VXN: variants seen among roughly 807,000 people sequenced by gnomAD.
VXN encodes uncharacterized protein C8orf46.
VXN carries 7 observed loss-of-function variants against 23.1 expected under a neutral mutation model. The observed-to-expected ratio is 0.30, with a 90% CI of 0.17 to 0.57. The LOEUF (loss-of-function observed/expected upper bound fraction) is 0.57. Ranked by LOEUF, VXN falls within the 20% of genes least tolerant of loss-of-function variation. The pLI, the probability that VXN is intolerant of heterozygous loss-of-function variation, is 0.91. For missense variants in VXN, 238 were observed against 272.6 expected (o/e 0.87, Z 0.89); for synonymous variants, 120 against 105.8 (o/e 1.13, Z -0.83).
intron 4 of VXN, among the ~76,000 whole-genome samples, chr8:66,511,858 G>C: frequency 6.6e-6 from 1 of 152,154 alleles, no homozygotes. Flanking sequence ...CTGAGGCCAA[G>C]AGTTTGAGAC....
Position 66,507,322 on chromosome 8 carries a change from A to G in VXN, c.280+1794A>G, listed in dbSNP as rs895070232. On this transcript the variant is annotated intron_variant, in intron 3 of 5. Transcript: ENST00000305454. Reference sequence around the variant, plus strand: ...AACAACCCTCTCCCCACCATCCCTCACTGCCTCCGCCCCACGTGATTCTAA... The same window carrying G: ...AACAACCCTCTCCCCACCATCCCTCGCTGCCTCCGCCCCACGTGATTCTAA... Among the ~76,000 whole-genome samples, 8 of 152,246 alleles carry G rather than the reference A, an allele frequency of 5.3e-5. 1 individual carries two copies. The South Asian group carries it at 1.7e-3, about 32-fold the overall frequency.
Position 66,516,120 on chromosome 8 carries a change from G to C in VXN, c.*44G>C, listed in dbSNP as rs764244776. The stretch of plus-strand genomic sequence containing the variant: ...GCCCTGTGTTGGCCAAGGTTCCCCG[G>C]ACAAGAGGAAAAACCTTCAGGATTG... On this transcript the variant is annotated 3_prime_UTR_variant, in exon 6 of 6. Coordinates refer to ENST00000305454, the MANE Select transcript of VXN (RefSeq NM_152765.4). 2.0e-6 allele frequency: 3 copies of C among 1,516,498 alleles called. No individual in the cohort carries two copies. Among genetic ancestry groups the C allele is most frequent in the Non-Finnish European group, 2.6e-6 (3 of 1,136,588 alleles). 93.9% of individuals were successfully genotyped at this position (1,516,498 alleles called of 1,614,324 possible).
intron 1 of VXN, 135 bp from the exon 2 acceptor site, chr8:66,496,302 C>T: frequency 2.7e-6 from 2 of 750,154 alleles, no homozygotes; most frequent in Non-Finnish European, 2.3e-6. Flanking sequence ...ATCGCAACGA[C>T]CCTGTCTCTT....
intron 2 of VXN, among the ~76,000 whole-genome samples, chr8:66,497,886 G>A (rs7825660): frequency 0.022 from 3,297 of 151,810 alleles, 132 homozygotes; most frequent in African/African-American, 0.073. Flanking sequence ...TTAGCCAGGC[G>A]GCCAGGCGCA....
rs1487528824 is a variant in VXN at position 66,505,469 on chromosome 8, G to A, written c.221G>A (p.Gly74Glu). The part of the protein sequence containing the change: ...RRDPGDRRRF[G>E]RLQTARPPTA... ...GACCCTGGCGACCGCCGCAGGTTTG[G>A]GCGGCTCCAGACCGCGCGGCCGCCC... The change falls in exon 3 of 6, where the codon GGG becomes GAG. Residue 74 changes from glycine (G) to glutamate (E), a missense_variant. Physicochemically the swap from Gly to Glu is moderately conservative, Grantham distance 98. Transcript: ENST00000305454. 1.3e-6 allele frequency: 2 copies of A among 1,579,156 alleles called. No individual in the cohort carries two copies. Among genetic ancestry groups the A allele is most frequent in the Non-Finnish European group, 1.7e-6 (2 of 1,163,660 alleles).
chr8:66,504,028 C>T (rs899382622), intron 2 of VXN, among the ~76,000 whole-genome samples: 2 of 152,162 alleles, frequency 1.3e-5, no homozygotes, highest in African/African-American at 4.8e-5. Flanking sequence ...TGTCCCCAGT[C>T]GCGACCTGGG....
chr8:66,516,162 A>G lies in VXN; in HGVS notation c.*86A>G, dbSNP rs980020683. ...TCAGGATTGAAACTGAGCCACACGC[A>G]CCTCTGCTAGTAGCTGGTCCAAACC... On this transcript the variant is annotated 3_prime_UTR_variant, in exon 6 of 6. Transcript: ENST00000305454. 4 of 1,254,002 alleles carry G rather than the reference A, an allele frequency of 3.2e-6. No individual in the cohort carries two copies. The highest frequency in any genetic ancestry group is 4.3e-6 in the Non-Finnish European group (4 of 928,630). The allele number at this position is 1,254,002 out of a possible 1,614,324, so 77.7% of individuals were successfully genotyped here. A position where few individuals can be genotyped will look rare whatever the true frequency, so the allele number is the denominator to read the frequency against.
chr8:66,496,569 G>A (rs1186737426), intron 2 of VXN, 77 bp downstream of exon 2: 40 of 1,332,204 alleles, frequency 3.0e-5, no homozygotes, highest in East Asian at 1.2e-4. Context: ...CTTCACTCTC[G>A]CTCCCCAGCT....
At position 66,504,404 on chromosome 8, in the gene VXN, G is replaced by GC. The variant is rs1487697684; in HGVS notation, c.127-964dup. 5.5e-3 allele frequency among the ~76,000 whole-genome samples: 634 copies of GC among 116,312 alleles called. 8 individuals are homozygous for GC. Among genetic ancestry groups the GC allele is most frequent in the African/African-American group, 0.019 (566 of 30,342 alleles). The allele number at this position is 116,312 out of a possible 152,430, so 76.3% of individuals were successfully genotyped here. On this transcript the variant is annotated intron_variant, in intron 2 of 5. Transcript: ENST00000305454. ...TGTGATGAAAGGGCTGCCCACCACC[G>GC]CCCCCCCACCCCCAGAATGAATGAC...
chr8:66,499,641 C>T (rs937939853), intron 2 of VXN, among the ~76,000 whole-genome samples: 1 of 151,946 alleles, frequency 6.6e-6, no homozygotes, highest in Non-Finnish European at 1.5e-5. Context: ...CTGCAACCTC[C>T]GTCTCCTGGG....
At chr8:66,501,283 T>G (rs1428894445) in intron 2 of VXN, 1 of 152,170 alleles carries the variant, frequency 6.6e-6, no homozygotes, top group Non-Finnish European at 1.5e-5. Flanking sequence ...TCATTTCAAT[T>G]TTAGTGTATG....
chr8:66,505,673 T>A, intron 3 of VXN, 145 bp downstream of exon 3: 1 of 1,026,886 alleles, frequency 9.7e-7, no homozygotes, highest in Non-Finnish European at 1.3e-6. Context: ...CTTTCCCAAG[T>A]AAATGCTGTT....
rs1807892605 is a variant in VXN at position 66,516,126 on chromosome 8, A to C, written c.*50A>C. ...TGTTGGCCAAGGTTCCCCGGACAAG[A>C]GGAAAAACCTTCAGGATTGAAACTG... On this transcript the variant is annotated 3_prime_UTR_variant, in exon 6 of 6. Transcript: ENST00000305454. 1 of 1,500,976 alleles carries C rather than the reference A, an allele frequency of 6.7e-7. No homozygotes were observed. The highest frequency in any genetic ancestry group is 2.2e-5 in the Admixed American group (1 of 45,512). The allele number at this position is 1,500,976 out of a possible 1,614,324, so 93.0% of individuals were successfully genotyped here.
At position 66,505,400 on chromosome 8, in the gene VXN, C is replaced by T; in HGVS notation, c.152C>T (p.Thr51Met). Residue 51 changes from threonine (T) to methionine (M), a missense_variant, in exon 3 of 6, where the codon ACG becomes ATG. By Grantham distance (81) the Thr-to-Met change is moderately conservative. This residue lies in a region of VXN where 223 missense variants were observed against 236.9 expected (regional missense o/e 0.94). Coordinates refer to ENST00000305454, the MANE Select transcript of VXN (RefSeq NM_152765.4). ...GTGGTGATCGAGTCGGACCTGTACA[C>T]GCACCAGCCCCTGGAGCTGCTGCCC... Reference protein sequence around the residue: ...KNVVIESDLYTHQPLELLPHR... With the variant: ...KNVVIESDLYMHQPLELLPHR... 6.3e-6 allele frequency: 10 copies of T among 1,579,948 alleles called. No homozygotes were observed. The highest frequency in any genetic ancestry group is 1.3e-5 in the African/African-American group (1 of 74,664).
At chr8:66,493,972 G>T (rs1440074286) in intron 1 of VXN, among the ~76,000 whole-genome samples, 1 of 152,166 alleles carries the variant, frequency 6.6e-6, no homozygotes, top group Non-Finnish European at 1.5e-5. Context: ...AGTACCAACA[G>T]TCCAGTACAC....
chr8:66,499,556 T>C (rs1399868214), intron 2 of VXN, among the ~76,000 whole-genome samples: 1 of 151,434 alleles, frequency 6.6e-6, no homozygotes, highest in Non-Finnish European at 1.5e-5. Flanking sequence ...TTTTTGTTTT[T>C]TGTTTGTTTG....
chr8:66,505,432 G>A lies in VXN; in HGVS notation c.184G>A (p.Gly62Arg), dbSNP rs1157329377. Residue 62 changes from glycine to arginine, a missense_variant, in exon 3 of 6, where the codon GGA becomes AGA. This residue lies in a region of VXN where 223 missense variants were observed against 236.9 expected (regional missense o/e 0.94). Coordinates refer to ENST00000305454, the MANE Select transcript of VXN (RefSeq NM_152765.4). ...GCCCCTGGAGCTGCTGCCCCACCGC[G>A]GAGACCGCAGGGACCCTGGCGACCG... ...HQPLELLPHR[G>R]DRRDPGDRRR... The A allele has an allele frequency of 8.2e-6, 13 of 1,578,108 alleles. No individual in the cohort carries two copies. The highest frequency in any genetic ancestry group is 1.0e-5 in the Non-Finnish European group (12 of 1,162,746).
Position 66,513,620 on chromosome 8 carries a change from A to G in VXN, c.423A>G (p.Gly141=). The G allele has an allele frequency of 6.2e-7, 1 of 1,614,090 alleles. No homozygotes were observed. Among genetic ancestry groups the G allele is most frequent in the Middle Eastern group, 1.7e-4 (1 of 6,056 alleles). The change falls in exon 5 of 6, where the codon GGA becomes GGG. Residue 141 remains glycine, a synonymous_variant. Coordinates refer to ENST00000305454, the MANE Select transcript of VXN (RefSeq NM_152765.4). ...LEATAMGTEK[G]AVLMRGSRHL... ...CGACAGCCATGGGCACAGAGAAGGG[A>G]GCTGTTCTGATGAGAGGGTAAGTGC... is the stretch of plus-strand genomic sequence containing the variant.
At position 66,516,684 on chromosome 8, in the gene VXN, A is replaced by C. The variant is rs1341677056; in HGVS notation, c.*608A>C. On this transcript the variant is annotated 3_prime_UTR_variant, in exon 6 of 6. Coordinates refer to ENST00000305454, the MANE Select transcript of VXN (RefSeq NM_152765.4). ...TTCTATAGAAAAACATTAAAAGTTA[A>C]ATGTTGACTGCTAATGTTTTCTGAA... is the stretch of plus-strand genomic sequence containing the variant. 1 of 152,228 alleles carries C rather than the reference A, an allele frequency of 6.6e-6. No homozygotes were observed. The highest frequency in any genetic ancestry group is 6.5e-5 in the Admixed American group (1 of 15,284). 9.4% of individuals were successfully genotyped at this position (152,228 alleles called of 1,614,324 possible). A position where few individuals can be genotyped will look rare whatever the true frequency, so the allele number is the denominator to read the frequency against.
Sources: allele counts gnomAD v4.1 joint callset (sites outside exome capture counted in the v4.1 genomes callset), GRCh38; gene constraint gnomAD v4.1.1; regional missense constraint gnomAD v4.1.1; transcripts MANE v1.5; gene names NCBI Gene and HGNC (gene_info 2026-07-23, HGNC 2026-07-21).